Variants in RERE observed in about 807,000 individuals in gnomAD.
The protein encoded by RERE is arginine-glutamic acid dipeptide repeats protein.
Under a neutral mutation model 146.1 loss-of-function variants are expected in RERE, and 40 were observed. The observed-to-expected ratio is 0.27, with a 90% CI of 0.21 to 0.36. The LOEUF is 0.36. Ranked by LOEUF, RERE falls within the 10% of genes least tolerant of loss-of-function variation. The pLI is 1.00. For missense variants in RERE, 1,933 were observed against 2,138.7 expected, an observed-to-expected ratio of 0.90 and a Z score of 1.90; for synonymous variants, 1,003 against 866.0, an observed-to-expected ratio of 1.16 and a Z score of -2.78.
chr1:8,471,843 C>T (rs1428941771), intron 10 of RERE, among the ~76,000 whole-genome samples: 1 of 152,030 alleles, frequency 6.6e-6, no homozygotes, highest in East Asian at 1.9e-4. Context: ...CAGAGTCTCA[C>T]TCTTGTTGCC....
intron 4 of RERE, among the ~76,000 whole-genome samples, chr1:8,579,280 A>C (rs1646334667): frequency 6.6e-6 from 1 of 152,214 alleles, no homozygotes; most frequent in African/African-American, 2.4e-5. Context: ...AAAAGCTTTT[A>C]CTGTCAAAAG....
intron 11 of RERE, among the ~76,000 whole-genome samples, chr1:8,432,692 G>T (rs1313925911): frequency 6.6e-6 from 1 of 152,172 alleles, no homozygotes; most frequent in Non-Finnish European, 1.5e-5. Context: ...CTGGCAAACT[G>T]TAACCAAGCA....
chr1:8,393,309 A>C (rs968749368), intron 12 of RERE, among the ~76,000 whole-genome samples: 3 of 152,200 alleles, frequency 2.0e-5, no homozygotes, highest in African/African-American at 7.2e-5. Context: ...AAGGGTAATA[A>C]ATGCCAAGTA....
intron 4 of RERE, among the ~76,000 whole-genome samples, chr1:8,609,845 T>C (rs1170398028): frequency 6.6e-6 from 1 of 152,194 alleles, no homozygotes; most frequent in Non-Finnish European, 1.5e-5. Context: ...AATAACTCTA[T>C]TAACACCGGT....
chr1:8,571,112 A>G (rs567648816), intron 4 of RERE, among the ~76,000 whole-genome samples: 53 of 152,380 alleles, frequency 3.5e-4, no homozygotes. Flanking sequence ...GAAAGCATGC[A>G]GAAAATAATA....
At chr1:8,433,104 C>A (rs906655737) in intron 11 of RERE, among the ~76,000 whole-genome samples, 1 of 152,154 alleles carries the variant, frequency 6.6e-6, no homozygotes, top group African/African-American at 2.4e-5. Flanking sequence ...CACAAACAAC[C>A]TGGCATGGTT....
At chr1:8,467,696 G>C (rs1644619163) in intron 10 of RERE, among the ~76,000 whole-genome samples, 1 of 152,018 alleles carries the variant, frequency 6.6e-6, no homozygotes, top group African/African-American at 2.4e-5. Context: ...CCAGGCTGGA[G>C]TGCAGTGGCG....
intron 1 of RERE, among the ~76,000 whole-genome samples, chr1:8,759,795 T>C (rs999742000): frequency 5.3e-5 from 8 of 151,658 alleles, no homozygotes; most frequent in African/African-American, 7.3e-5. Flanking sequence ...AGGGACAATT[T>C]TCCTGCCAAT....
intron 12 of RERE, among the ~76,000 whole-genome samples, chr1:8,399,670 T>C (rs1250373441): frequency 6.6e-6 from 1 of 152,220 alleles, no homozygotes; most frequent in Non-Finnish European, 1.5e-5. Flanking sequence ...AAAGTTTTGA[T>C]TGAAATGATA....
At chr1:8,687,263 CT>C (rs1205934742) in intron 1 of RERE, among the ~76,000 whole-genome samples, 5 of 152,114 alleles carry the variant, frequency 3.3e-5, no homozygotes, top group Admixed American at 3.3e-4. Context: ...AACAGCTGGT[CT>C]ATACACAAGC....
chr1:8,394,472 T>C (rs1642983568), intron 12 of RERE, among the ~76,000 whole-genome samples: 1 of 152,196 alleles, frequency 6.6e-6, no homozygotes, highest in Admixed American at 6.5e-5. Context: ...TATCACCATT[T>C]TATAGATGAG....
At chr1:8,638,217 A>G (rs903580037) in intron 2 of RERE, among the ~76,000 whole-genome samples, 1 of 152,206 alleles carries the variant, frequency 6.6e-6, no homozygotes, top group African/African-American at 2.4e-5. Flanking sequence ...ACTAGAGGTC[A>G]CTCCCTGAAT....
At chr1:8,448,149 G>A (rs1301786884) in intron 11 of RERE, among the ~76,000 whole-genome samples, 2 of 152,122 alleles carry the variant, frequency 1.3e-5, no homozygotes, top group Non-Finnish European at 2.9e-5. Context: ...GGGCCACCTG[G>A]AGGCCTCTGC....
intron 10 of RERE, among the ~76,000 whole-genome samples, chr1:8,487,898 A>C (rs185047956): frequency 1.8e-4 from 28 of 152,264 alleles, no homozygotes; most frequent in African/African-American, 6.3e-4. Flanking sequence ...TTAGGAGTAA[A>C]TTTAACAAAA....
intron 1 of RERE, among the ~76,000 whole-genome samples, chr1:8,702,332 G>A (rs1372788287): frequency 6.6e-6 from 1 of 152,166 alleles, no homozygotes; most frequent in African/African-American, 2.4e-5. Flanking sequence ...AGGGCTGCAA[G>A]TAAAACAAAG....
chr1:8,415,210 T>G (rs899701238), intron 12 of RERE, among the ~76,000 whole-genome samples: 14 of 152,210 alleles, frequency 9.2e-5, no homozygotes, highest in Non-Finnish European at 1.8e-4. Flanking sequence ...CCATTGACTG[T>G]TAACCACAGC....
chr1:8,678,600 G>A (rs1638896572), intron 1 of RERE, among the ~76,000 whole-genome samples: 1 of 150,580 alleles, frequency 6.6e-6, no homozygotes, highest in African/African-American at 2.5e-5. Context: ...GGCGGAGGTT[G>A]CAGGGAGGCG....
intron 4 of RERE, among the ~76,000 whole-genome samples, chr1:8,585,684 T>C (rs535613516): frequency 5.9e-5 from 9 of 152,300 alleles, no homozygotes; most frequent in Middle Eastern, 3.4e-3. Flanking sequence ...GATTAGGAAT[T>C]GCAATTAGCT....
intron 1 of RERE, among the ~76,000 whole-genome samples, chr1:8,798,982 G>A (rs759317949): frequency 3.3e-5 from 5 of 150,780 alleles, no homozygotes; most frequent in Non-Finnish European, 5.9e-5. Flanking sequence ...GTGAGCCACT[G>A]TGCCCGGCCT....
Sources: allele counts gnomAD v4.1 joint callset (sites outside exome capture counted in the v4.1 genomes callset), GRCh38; gene constraint gnomAD v4.1.1; transcripts MANE v1.5; gene names NCBI Gene and HGNC (gene_info 2026-07-23, HGNC 2026-07-21).